MYO6: variants seen among roughly 807,000 people sequenced by gnomAD.
MYO6 encodes the protein unconventional myosin-VI.
A neutral mutation model predicts 178.7 loss-of-function variants in MYO6; 74 were observed. The observed-to-expected ratio is 0.41, with a 90% CI of 0.34 to 0.50. The LOEUF (loss-of-function observed/expected upper bound fraction) is 0.50, where lower values mean the gene tolerates loss of function less well. Ranked by LOEUF, MYO6 falls within the 20% of genes least tolerant of loss-of-function variation. The pLI is 0.09. For missense variants in MYO6, 1,330 were observed against 1,547.4 expected (o/e 0.86, Z 2.36); for synonymous variants, 477 against 504.6 (o/e 0.95, Z 0.73).
chr6:75,847,203 T>C (rs1248892554), intron 10 of MYO6, among the ~76,000 whole-genome samples: 1 of 152,158 alleles, frequency 6.6e-6, no homozygotes, highest in African/African-American at 2.4e-5. Context: ...ATGTGATTGT[T>C]TCCTTTGCTT....
At chr6:75,772,486 C>T (rs1765990750) in intron 1 of MYO6, among the ~76,000 whole-genome samples, 1 of 152,160 alleles carries the variant, frequency 6.6e-6, no homozygotes, top group African/African-American at 2.4e-5. Context: ...AAACATTTTA[C>T]ATTAGGAATC....
chr6:75,892,363 C>T (rs1317188061), intron 27 of MYO6, among the ~76,000 whole-genome samples, 167 bp from the exon 28 acceptor site: 2 of 152,136 alleles, frequency 1.3e-5, no homozygotes, highest in East Asian at 3.8e-4. Context: ...AAGCATTAAT[C>T]ATAATAGAGA....
rs187431255 is a variant in MYO6, at chr6:75,888,402, C to T, written c.2658+1408C>T. 9.2e-5 allele frequency among the ~76,000 whole-genome samples: 14 copies of T among 152,188 alleles called. 1 individual carries two copies. The highest frequency in any genetic ancestry group is 3.4e-4 in the African/African-American group (14 of 41,522). ...GGCCCAGGCGCAGGGATCACCTGAG[C>T]TCAGGAGTTAGAGACCAACCTGATC... On this transcript the variant is annotated intron_variant, in intron 25 of 34. Transcript: ENST00000369977.
rs572370156 is a variant in MYO6, at chr6:75,885,346, C to G, written c.2417-658C>G. Among the ~76,000 whole-genome samples the G allele has an allele frequency of 4.6e-5, 7 of 152,070 alleles. No individual in the cohort carries two copies. In the East Asian group the frequency reaches 1.4e-3, roughly 29 times the overall value. ...GTCAGGAATTCAAGACCAGCCTGGC[C>G]GACATGGCAAAACCCTGGCTCGAAT... On this transcript the variant is annotated intron_variant, in intron 23 of 34. Coordinates refer to ENST00000369977, the MANE Select transcript of MYO6 (RefSeq NM_004999.4).
chr6:75,844,874 A>T, intron 9 of MYO6, 23 bp from the exon 10 acceptor site: 1 of 1,554,418 alleles, frequency 6.4e-7, no homozygotes, highest in Non-Finnish European at 8.9e-7. Context: ...TATGTTAATT[A>T]TGTTTAATTT....
At chr6:75,771,744 A>G (rs1765913981) in intron 1 of MYO6, among the ~76,000 whole-genome samples, 2 of 152,204 alleles carry the variant, frequency 1.3e-5, no homozygotes. Flanking sequence ...TACCTGTGCT[A>G]CAGCTTAAAC....
At chr6:75,853,922 G>GT (rs147763499) in intron 11 of MYO6, among the ~76,000 whole-genome samples, 19,737 of 152,120 alleles carry the variant, frequency 0.13, 1,345 homozygotes, top group Non-Finnish European at 0.15. Context: ...TAGCAACCAT[G>GT]TAAGGTAGGT....
rs79662925 is a variant in MYO6, at chr6:75,830,395, G to A, written c.262-21G>A. ...GAAAATAGTAATTGGAATATTTTATGTTTATGCTTTTCGTATTTAGACATA... is the reference window on the plus strand; with the variant it reads ...GAAAATAGTAATTGGAATATTTTATATTTATGCTTTTCGTATTTAGACATA... On this transcript the variant is annotated intron_variant, in intron 4 of 34. Transcript: ENST00000369977. The A allele has an allele frequency of 3.9e-3, 6,225 of 1,602,566 alleles. 152 individuals carry two copies. In the East Asian group the frequency reaches 0.067, roughly 17 times the overall value.
At chr6:75,866,457 G>A (rs1776700231) in intron 16 of MYO6, 69 bp from the exon 17 acceptor site, 3 of 1,269,816 alleles carry the variant, frequency 2.4e-6, no homozygotes, top group Non-Finnish European at 2.3e-6. Flanking sequence ...CATCTCAGTT[G>A]TTTTGTAAAG....
chr6:75,897,091 A>G (rs960622592), intron 29 of MYO6, among the ~76,000 whole-genome samples: 4 of 152,216 alleles, frequency 2.6e-5, no homozygotes, highest in African/African-American at 2.4e-5. Flanking sequence ...TGTGTGATCA[A>G]CAGACCCAGT....
Position 75,848,539 on chromosome 6 carries a change from T to C in MYO6, c.1078+8T>C. On this transcript the variant is annotated splice_region_variant and intron_variant, in intron 11 of 34. Coordinates refer to ENST00000369977, the MANE Select transcript of MYO6 (RefSeq NM_004999.4). ...AAGCTGGCAGCACTTCAGGTTTGCT[T>C]TTTATTTTTTTAAGAGGAAAAAAAT... 6.2e-7 allele frequency: 1 copy of C among 1,608,326 alleles called. No homozygotes were observed. Among genetic ancestry groups the C allele is most frequent in the Non-Finnish European group, 8.5e-7 (1 of 1,178,636 alleles).
chr6:75,886,790 T>G, intron 24 of MYO6, 54 bp from the exon 25 acceptor site: 1 of 1,551,514 alleles, frequency 6.4e-7, no homozygotes, highest in Non-Finnish European at 8.9e-7. Flanking sequence ...ATGAAAAATC[T>G]GCCAAAAGTA....
At chr6:75,913,233 A>T (rs1025440677) in intron 33 of MYO6, among the ~76,000 whole-genome samples, 2 of 152,192 alleles carry the variant, frequency 1.3e-5, no homozygotes, top group Non-Finnish European at 2.9e-5. Flanking sequence ...AAATGTTTAC[A>T]TTTGCAGATA....
chr6:75,892,568 G>A lies in MYO6; in HGVS notation c.2985G>A (p.Glu995=), dbSNP rs1257534939. The A allele has an allele frequency of 7.4e-6, 12 of 1,613,786 alleles. No individual in the cohort carries two copies. The highest frequency in any genetic ancestry group is 8.5e-6 in the Non-Finnish European group (10 of 1,180,022). ...CACAGCTGGCCCGACAGAAGGAGGA[G>A]GAATCCCAACAGCAAGCAGTTCTGG... ...VEAQLARQKE[E]ESQQQAVLEQ... The change falls in exon 28 of 35, where the codon GAG becomes GAA. Residue 995 remains glutamate, a synonymous_variant. Transcript: ENST00000369977.
At chr6:75,771,605 C>A (rs371955751) in intron 1 of MYO6, among the ~76,000 whole-genome samples, 11 of 152,252 alleles carry the variant, frequency 7.2e-5, no homozygotes, top group East Asian at 3.9e-4. Flanking sequence ...ATGATGAAAT[C>A]TTTCCCTTAC....
At chr6:75,758,686 C>T (rs997227534) in intron 1 of MYO6, among the ~76,000 whole-genome samples, 2 of 152,280 alleles carry the variant, frequency 1.3e-5, no homozygotes, top group East Asian at 3.9e-4. Flanking sequence ...TCTTGCTCTC[C>T]TGACCTCGTG....
chr6:75,862,957 A>G (rs1341788743), intron 16 of MYO6, among the ~76,000 whole-genome samples: 1 of 152,142 alleles, frequency 6.6e-6, no homozygotes, highest in Non-Finnish European at 1.5e-5. Flanking sequence ...TCTAATACGT[A>G]CAATGTGCCT....
intron 29 of MYO6, 54 bp from the exon 30 acceptor site, chr6:75,898,319 A>T (rs1779463468): frequency 8.5e-7 from 1 of 1,171,146 alleles, no homozygotes; most frequent in Middle Eastern, 2.2e-4. Flanking sequence ...CTTTTAATTA[A>T]TTTATGTAGT....
chr6:75,859,624 A>G (rs892949483), intron 14 of MYO6, among the ~76,000 whole-genome samples: 3 of 147,868 alleles, frequency 2.0e-5, no homozygotes, highest in Non-Finnish European at 4.5e-5. Flanking sequence ...CTACCACACC[A>G]AACAACCTTC....
Sources: allele counts gnomAD v4.1 joint callset (sites outside exome capture counted in the v4.1 genomes callset), GRCh38; gene constraint gnomAD v4.1.1; transcripts MANE v1.5; gene names NCBI Gene and HGNC (gene_info 2026-07-23, HGNC 2026-07-21).